The following PAK3 variants were observed in gnomAD, a reference collection of about 807,000 sequenced individuals.
PAK3 encodes the protein serine/threonine-protein kinase PAK 3.
In PAK3, 4 loss-of-function variants were observed where a neutral mutation model predicts 41.0. The observed-to-expected ratio is 0.10, with a 90% CI of 0.05 to 0.22. The LOEUF (loss-of-function observed/expected upper bound fraction) is 0.22. PAK3 is among the 10% of genes least tolerant of loss of function. The probability of loss-of-function intolerance (pLI) is 1.00; values close to 1 mark genes in which losing one functional copy is unlikely to be tolerated. For missense variants in PAK3, 205 were observed against 409.9 expected, an observed-to-expected ratio of 0.50 and a Z score of 4.32; for synonymous variants, 146 against 139.6, an observed-to-expected ratio of 1.05 and a Z score of -0.32.
chrX:111,081,695 C>A (rs2092836088), intron 1 of PAK3, among the ~76,000 whole-genome samples: 1 of 111,746 alleles, frequency 8.9e-6, no homozygotes, highest in Admixed American at 9.5e-5. Flanking sequence ...TTCAAAACAT[C>A]ATGTTGTACA....
At chrX:111,101,586 T>C (rs913524168) in intron 3 of PAK3, among the ~76,000 whole-genome samples, 4 of 112,088 alleles carry the variant, frequency 3.6e-5, no homozygotes, top group African/African-American at 1.3e-4. Flanking sequence ...ATGCTGCCTC[T>C]GCTGTCTGCC....
intron 1 of PAK3, among the ~76,000 whole-genome samples, chrX:110,996,648 A>ATC (rs2091745562): frequency 9.1e-6 from 1 of 109,941 alleles, no homozygotes; most frequent in South Asian, 3.9e-4. Context: ...CTCTCTCTCT[A>ATC]TCTCTCTCTT....
intron 5 of PAK3, among the ~76,000 whole-genome samples, chrX:111,138,630 A>G (rs2093826475): frequency 9.0e-6 from 1 of 111,100 alleles, no homozygotes; most frequent in Admixed American, 9.6e-5. Flanking sequence ...AAGACTTTCC[A>G]GGCATAGGTA....
At chrX:111,149,271 C>A (rs1294907440) in intron 7 of PAK3, among the ~76,000 whole-genome samples, 3 of 111,952 alleles carry the variant, frequency 2.7e-5, no homozygotes, top group Non-Finnish European at 5.6e-5. Flanking sequence ...CTCCCGGCTG[C>A]TTTCACAGGC....
chrX:111,006,588 C>T (rs762324829), intron 1 of PAK3, among the ~76,000 whole-genome samples: 9 of 111,057 alleles, frequency 8.1e-5, no homozygotes, highest in Non-Finnish European at 1.7e-4. Flanking sequence ...TAAAACAGAT[C>T]CCCTGATGAA....
intron 8 of PAK3, among the ~76,000 whole-genome samples, chrX:111,157,668 TCC>T: frequency 9.1e-6 from 1 of 109,641 alleles, no homozygotes; most frequent in African/African-American, 3.3e-5. Flanking sequence ...ATGCCTGTAA[TCC>T]CAGCTACTCG....
At chrX:111,154,800 C>A (rs2094081094) in intron 8 of PAK3, among the ~76,000 whole-genome samples, 1 of 111,534 alleles carries the variant, frequency 9.0e-6, no homozygotes, top group African/African-American at 3.3e-5. Context: ...ATGATCAACA[C>A]ATACTTTACC....
intron 4 of PAK3, among the ~76,000 whole-genome samples, chrX:111,114,032 G>A (rs1395604005): frequency 1.8e-5 from 2 of 112,238 alleles, no homozygotes; most frequent in African/African-American, 6.5e-5. Context: ...ATCATTGATG[G>A]ACATTTGGGT....
chrX:111,125,575 C>A (rs767939667), intron 5 of PAK3, among the ~76,000 whole-genome samples: 29 of 111,448 alleles, frequency 2.6e-4, no homozygotes, highest in Admixed American at 9.5e-4. Context: ...GGCATCTTTA[C>A]ATGTGTCAGA....
At chrX:111,157,853 G>A (rs1430244269) in intron 8 of PAK3, among the ~76,000 whole-genome samples, 1 of 110,853 alleles carries the variant, frequency 9.0e-6, no homozygotes, top group East Asian at 2.8e-4. Context: ...CAAAATTAGA[G>A]TGTCAAAAAT....
rs202159897 is a variant in PAK3, at chrX:111,119,514, G to A, written c.-27-3563G>A. On this transcript the variant is annotated intron_variant, in intron 4 of 17. Coordinates refer to ENST00000372007, the MANE Select transcript of PAK3 (RefSeq NM_002578.5). The stretch of plus-strand genomic sequence containing the variant: ...TTAAAGATAAACAGTTTTTTTTATC[G>A]GATTCCTAGAGAATAATGGTGCTTA... 2.9e-4 allele frequency among the ~76,000 whole-genome samples: 32 copies of A among 111,411 alleles called. No individual in the cohort carries two copies. The South Asian group carries it at 3.8e-3, about 13-fold the overall frequency.
chrX:111,110,574 T>C (rs1195367399), intron 4 of PAK3, among the ~76,000 whole-genome samples: 5 of 111,651 alleles, frequency 4.5e-5, no homozygotes, highest in African/African-American at 1.6e-4. Context: ...TGTGACATCA[T>C]AAATGTTTGG....
intron 1 of PAK3, among the ~76,000 whole-genome samples, chrX:110,972,944 A>G (rs1220238089): frequency 5.4e-5 from 6 of 111,959 alleles, no homozygotes; most frequent in African/African-American, 1.9e-4. Context: ...CGATTCGATC[A>G]AGTGGAAGAA....
intron 1 of PAK3, among the ~76,000 whole-genome samples, chrX:111,044,405 G>T (rs952523886): frequency 1.8e-5 from 2 of 112,280 alleles, no homozygotes; most frequent in Non-Finnish European, 3.8e-5. Context: ...GGGAAACCTT[G>T]CTTTGTTCAT....
At chrX:111,052,825 T>C (rs1168031818) in intron 1 of PAK3, among the ~76,000 whole-genome samples, 2 of 112,581 alleles carry the variant, frequency 1.8e-5, no homozygotes, top group Non-Finnish European at 3.8e-5. Context: ...TGTTTTGTCT[T>C]CTTTCATGGA....
In PAK3 at chrX:111,112,808, A is replaced by G. The variant is rs2093398768; in HGVS notation, c.-28+9502A>G. Among the ~76,000 whole-genome samples the G allele has an allele frequency of 1.2e-4, 13 of 111,733 alleles. No individual in the cohort carries two copies. In the Admixed American group the frequency reaches 1.2e-3, roughly 11 times the overall value. ...TCAACCCCCCAAATTAAGTCTGCCT[A>G]ACAACATGCAACTTAGTTCTTAAAT... On this transcript the variant is annotated intron_variant, in intron 4 of 17. Transcript: ENST00000372007.
In PAK3 at chrX:111,034,084, GTTC is replaced by G. The variant is rs765602143; in HGVS notation, c.-27-88984_-27-88982del. On this transcript the variant is annotated intron_variant, in intron 1 of 14. Transcript: ENST00000425146. Reference sequence around the variant, plus strand: ...TGTGTGTGCACAATTCTACCATACAGTTCTTCTTCTTTATTTTATTTCTGCATT... The same window carrying G: ...TGTGTGTGCACAATTCTACCATACAGTTCTTCTTTATTTTATTTCTGCATT... Among the ~76,000 whole-genome samples the G allele has an allele frequency of 6.3e-5, 7 of 111,385 alleles. No homozygotes were observed. In the East Asian group the frequency reaches 1.4e-3, roughly 22 times the overall value.
rs1424924478 is a variant in PAK3, at chrX:111,226,515, G to A, written c.*6068G>A. The A allele has an allele frequency of 8.9e-6, 1 of 112,331 alleles. No homozygotes were observed. Among genetic ancestry groups the A allele is most frequent in the African/African-American group, 3.2e-5 (1 of 30,922 alleles). 9.3% of individuals were successfully genotyped at this position (112,331 alleles called of 1,213,427 possible). A position where few individuals can be genotyped will look rare whatever the true frequency, so the allele number is the denominator to read the frequency against. On this transcript the variant is annotated 3_prime_UTR_variant, in exon 18 of 18. Coordinates refer to ENST00000372007, the MANE Select transcript of PAK3 (RefSeq NM_002578.5). ...ATAGCAGAGCCCATGCATTTTAATG[G>A]CTGAGACTGCTAAGAGTGAACCTAA...
intron 1 of PAK3, among the ~76,000 whole-genome samples, chrX:111,039,337 G>T (rs1054270126): frequency 3.6e-5 from 4 of 112,218 alleles, no homozygotes; most frequent in Non-Finnish European, 7.5e-5. Context: ...CTGACTTACA[G>T]TCTCCTCATT....
Sources: gnomAD v4.1 joint callset for allele counts (sites outside exome capture counted in the v4.1 genomes callset) on GRCh38, gnomAD v4.1.1 for gene constraint, MANE v1.5 for transcripts, NCBI Gene and HGNC (gene_info 2026-07-23, HGNC 2026-07-21) for gene names.